Variants in TENM3 observed in about 807,000 individuals in gnomAD.
The protein encoded by TENM3 is teneurin transmembrane protein 3.
A neutral mutation model predicts 255.1 loss-of-function variants in TENM3; 63 were observed. The observed-to-expected ratio is 0.25, with a 90% CI of 0.20 to 0.30. The LOEUF is 0.30. TENM3 is among the 10% of genes least tolerant of loss of function. The pLI is 1.00. For synonymous variants in TENM3, 1,306 were observed against 1,322.3 expected (o/e 0.99, Z 0.27); for missense variants, 2,929 against 3,461.1 (o/e 0.85, Z 3.86).
At chr4:181,467,231 G>A in the TENM3 span, among the ~76,000 whole-genome samples, 5 of 145,758 alleles carry the variant, frequency 3.4e-5, no homozygotes, top group Admixed American at 3.5e-4. Context: ...CCATGTTTAA[G>A]CAATTCTCCT....
rs549260569 is a variant in TENM3 at position 182,755,654 on chromosome 4, C to T, written c.4892+395C>T. On this transcript the variant is annotated intron_variant, in intron 22 of 27. Transcript: ENST00000511685. ...AAGATCGAGACCATCCTGGATAACACGGTGAAACCCCCGTCTCTACTAAAA... is the reference window on the plus strand; with the variant it reads ...AAGATCGAGACCATCCTGGATAACATGGTGAAACCCCCGTCTCTACTAAAA... 9.9e-5 allele frequency among the ~76,000 whole-genome samples: 15 copies of T among 152,088 alleles called. 1 individual carries two copies. Among genetic ancestry groups the T allele is most frequent in the South Asian group, 8.3e-4 (4 of 4,822 alleles).
At chr4:182,733,695 C>G (rs937508016) in intron 16 of TENM3, among the ~76,000 whole-genome samples, 1 of 152,188 alleles carries the variant, frequency 6.6e-6, no homozygotes, top group African/African-American at 2.4e-5. Flanking sequence ...GGCTGACAGG[C>G]AAAGATGTTG....
the TENM3 span, among the ~76,000 whole-genome samples, chr4:181,575,648 A>G: frequency 2.0e-5 from 3 of 152,094 alleles, no homozygotes; most frequent in Non-Finnish European, 4.4e-5. Flanking sequence ...TTTTTTTCAT[A>G]TAGGTTGAGT....
chr4:182,239,368 C>A (rs1304516568), upstream of TENM3, among the ~76,000 whole-genome samples: 1 of 152,042 alleles, frequency 6.6e-6, no homozygotes, highest in Non-Finnish European at 1.5e-5. Context: ...CATGAGCCAC[C>A]GCGCCCGGCC....
At chr4:182,658,364 A>G (rs1357092490) in intron 6 of TENM3, among the ~76,000 whole-genome samples, 4 of 152,154 alleles carry the variant, frequency 2.6e-5, no homozygotes, top group Non-Finnish European at 5.9e-5. Context: ...GCGCTTGACA[A>G]TATAATCACT....
In TENM3 at chr4:182,601,204, T is replaced by C. The variant is rs564584418; in HGVS notation, c.749+43T>C. 1.6e-4 allele frequency: 238 copies of C among 1,483,872 alleles called. No homozygotes were observed. The East Asian group carries it at 5.0e-3, about 31-fold the overall frequency. The allele number at this position is 1,483,872 out of a possible 1,614,324, so 91.9% of individuals were successfully genotyped here. A position where few individuals can be genotyped will look rare whatever the true frequency, so the allele number is the denominator to read the frequency against. The stretch of plus-strand genomic sequence containing the variant: ...AAAATAAGCTAGCCCAACCCTTTTC[T>C]CACCAGGAGCAATTTACTATACTTA... On this transcript the variant is annotated intron_variant, in intron 4 of 27. Transcript: ENST00000511685.
At chr4:182,296,281 T>C (rs1249383128) in intron 1 of TENM3, among the ~76,000 whole-genome samples, 1 of 152,208 alleles carries the variant, frequency 6.6e-6, no homozygotes, top group Non-Finnish European at 1.5e-5. Flanking sequence ...ATATACTATT[T>C]TATTTTACTC....
intron 3 of TENM3, among the ~76,000 whole-genome samples, chr4:182,563,164 CA>C (rs1431352541): frequency 2.0e-5 from 3 of 152,096 alleles, no homozygotes; most frequent in Non-Finnish European, 1.5e-5. Flanking sequence ...CCCGTAATCC[CA>C]ACACTTAGGG....
At chr4:181,614,593 G>T in the TENM3 span, among the ~76,000 whole-genome samples, 1 of 152,200 alleles carries the variant, frequency 6.6e-6, no homozygotes, top group Non-Finnish European at 1.5e-5. Context: ...ATTTAACACA[G>T]TCTCTGCATT....
chr4:182,233,090 G>T (rs1374870075), intron 1 of TENM3, among the ~76,000 whole-genome samples: 10 of 152,142 alleles, frequency 6.6e-5, no homozygotes, highest in Admixed American at 6.5e-4. Context: ...CAGGAGAGGG[G>T]TCTCCAGGCT....
intron 3 of TENM3, among the ~76,000 whole-genome samples, chr4:182,566,624 C>G (rs563894524): frequency 2.6e-5 from 4 of 152,320 alleles, no homozygotes; most frequent in African/African-American, 9.6e-5. Context: ...ACTTGGCCAA[C>G]AGCAGCTATC....
chr4:181,507,173 A>G, the TENM3 span, among the ~76,000 whole-genome samples: 1 of 152,190 alleles, frequency 6.6e-6, no homozygotes, highest in Non-Finnish European at 1.5e-5. Context: ...TCTGCCTCTC[A>G]AGTTGATTTC....
At chr4:181,587,671 C>T in the TENM3 span, among the ~76,000 whole-genome samples, 3 of 152,304 alleles carry the variant, frequency 2.0e-5, no homozygotes, top group South Asian at 6.2e-4. Context: ...AGAAGCTCTA[C>T]TGCCCTCAAA....
At position 182,730,398 on chromosome 4, in the gene TENM3, A is replaced by G. The variant is rs1164126205; in HGVS notation, c.2705+79A>G. Reference sequence around the variant, plus strand: ...CCTTCCTGTACCACTGTCATGTTTGACTGTCCTTTTAAATATGGAAATGCA... The same window carrying G: ...CCTTCCTGTACCACTGTCATGTTTGGCTGTCCTTTTAAATATGGAAATGCA... On this transcript the variant is annotated intron_variant, in intron 15 of 27. Transcript: ENST00000511685. 8 of 1,526,448 alleles carry G rather than the reference A, an allele frequency of 5.2e-6. No homozygotes were observed. In the African/African-American group the frequency reaches 8.2e-5, roughly 16 times the overall value. 94.6% of individuals were successfully genotyped at this position (1,526,448 alleles called of 1,614,324 possible).
chr4:182,202,316 T>A (rs1754235121), intron 1 of TENM3, among the ~76,000 whole-genome samples: 1 of 149,310 alleles, frequency 6.7e-6, no homozygotes, highest in African/African-American at 2.5e-5. Flanking sequence ...TTTTTTTTTT[T>A]TTTTTTGAGA....
the TENM3 span, among the ~76,000 whole-genome samples, chr4:181,693,599 A>G: frequency 6.6e-6 from 1 of 152,230 alleles, no homozygotes; most frequent in African/African-American, 2.4e-5. Flanking sequence ...AACCTTCAGG[A>G]GTCCTCATTT....
intron 3 of TENM3, among the ~76,000 whole-genome samples, chr4:182,351,330 T>C (rs1446601501): frequency 6.6e-6 from 1 of 152,232 alleles, no homozygotes; most frequent in Non-Finnish European, 1.5e-5. Flanking sequence ...TGTTTGCGTA[T>C]GCATCGCTTC....
At chr4:181,953,516 C>T in the TENM3 span, among the ~76,000 whole-genome samples, 1 of 151,998 alleles carries the variant, frequency 6.6e-6, no homozygotes. Context: ...ACACCACCAG[C>T]TCATACTTAC....
intron 2 of TENM3, 73 bp from the exon 3 acceptor site, chr4:182,346,578 A>G (rs1561347427): frequency 8.5e-7 from 1 of 1,169,824 alleles, no homozygotes; most frequent in Non-Finnish European, 1.2e-6. Flanking sequence ...ACATTCTTAA[A>G]AAAAAAAAAA....
Sources: gnomAD v4.1 joint callset for allele counts (sites outside exome capture counted in the v4.1 genomes callset) on GRCh38, gnomAD v4.1.1 for gene constraint, MANE v1.5 for transcripts, NCBI Gene and HGNC (gene_info 2026-07-23, HGNC 2026-07-21) for gene names.